NLGN4X: variants seen among roughly 807,000 people sequenced by gnomAD.
NLGN4X encodes the protein neuroligin 4 X-linked.
In NLGN4X, 3 loss-of-function variants were observed where a neutral mutation model predicts 40.3. That is an observed-to-expected ratio of 0.07 (90% CI 0.03 to 0.19). The LOEUF is 0.19. Among genes scored for constraint, NLGN4X ranks in the 10% least tolerant of loss-of-function variants. The pLI is 1.00. For missense variants in NLGN4X, 382 were observed against 708.3 expected, an observed-to-expected ratio of 0.54 and a Z score of 5.23; for synonymous variants, 270 against 306.8, an observed-to-expected ratio of 0.88 and a Z score of 1.25.
chrX:6,225,066 TACACACATAC>T (rs1470706778), intron 1 of NLGN4X, among the ~76,000 whole-genome samples: 2 of 96,432 alleles, frequency 2.1e-5, no homozygotes, highest in African/African-American at 7.6e-5. Context: ...TATGTCTGTA[TACACACATAC>T]ACACACACGC....
At chrX:6,136,070 C>CT (rs773448610) in intron 2 of NLGN4X, among the ~76,000 whole-genome samples, 161 of 111,574 alleles carry the variant, frequency 1.4e-3, no homozygotes, top group Non-Finnish European at 2.5e-3. Flanking sequence ...AAATCCATGT[C>CT]TTTTTTTAGA....
At chrX:6,069,418 G>A in intron 2 of NLGN4X, among the ~76,000 whole-genome samples, 1 of 112,322 alleles carries the variant, frequency 8.9e-6, no homozygotes, top group Non-Finnish European at 1.9e-5. Context: ...GCATTAATGT[G>A]TATCCATCTT....
chrX:6,225,681 C>CTTTTTTTTTTTTTTTTTTTT (rs1569309354), intron 1 of NLGN4X, among the ~76,000 whole-genome samples: 403 of 33,657 alleles, frequency 0.012, 23 homozygotes, highest in Non-Finnish European at 0.017. Context: ...TTTTTTCTTT[C>CTTTTTTTTTTTTTTTTTTTT]TTTTTTTCTT....
intron 3 of NLGN4X, among the ~76,000 whole-genome samples, chrX:5,938,660 G>A (rs1332852250): frequency 9.0e-6 from 1 of 110,998 alleles, no homozygotes; most frequent in Non-Finnish European, 1.9e-5. Context: ...AAGGCCATGG[G>A]TTAGTTTAAA....
intron 3 of NLGN4X, among the ~76,000 whole-genome samples, chrX:5,913,641 A>G (rs1020243464): frequency 6.2e-5 from 7 of 112,484 alleles, no homozygotes; most frequent in Middle Eastern, 4.6e-3. Context: ...GAATGAATCC[A>G]TGTTAATGGC....
intron 2 of NLGN4X, among the ~76,000 whole-genome samples, chrX:6,036,874 C>T (rs1317607064): frequency 9.0e-6 from 1 of 111,611 alleles, no homozygotes; most frequent in African/African-American, 3.3e-5. Flanking sequence ...ATCTCAATGT[C>T]CCTAATCCTG....
At chrX:5,928,982 G>A (rs180814120) in intron 3 of NLGN4X, among the ~76,000 whole-genome samples, 1 of 109,799 alleles carries the variant, frequency 9.1e-6, no homozygotes, top group Non-Finnish European at 1.9e-5. Context: ...ACCGTGCCCA[G>A]AGAAAGACTC....
At chrX:6,206,170 A>G in intron 1 of NLGN4X, among the ~76,000 whole-genome samples, 1 of 111,296 alleles carries the variant, frequency 9.0e-6, no homozygotes, top group Admixed American at 9.6e-5. Context: ...GGAGCAGTGG[A>G]GTCTCTAAAA....
chrX:6,082,299 G>A (rs1028862352), intron 2 of NLGN4X, among the ~76,000 whole-genome samples: 3 of 111,042 alleles, frequency 2.7e-5, no homozygotes, highest in Non-Finnish European at 5.7e-5. Flanking sequence ...ACTATAGAAG[G>A]CTGACGCAGG....
At chrX:6,221,792 C>G (rs947708166) in intron 1 of NLGN4X, among the ~76,000 whole-genome samples, 1 of 110,475 alleles carries the variant, frequency 9.1e-6, no homozygotes, top group Admixed American at 9.7e-5. Context: ...CCATGCTGAA[C>G]AGCTCTGACC....
chrX:6,185,693 T>C (rs1358549281), intron 1 of NLGN4X, among the ~76,000 whole-genome samples: 2 of 112,213 alleles, frequency 1.8e-5, no homozygotes, highest in Non-Finnish European at 3.8e-5. Context: ...CATTTAAGCG[T>C]TCCTTTCTTC....
At chrX:6,051,426 G>T (rs1489707925) in intron 2 of NLGN4X, among the ~76,000 whole-genome samples, 1 of 111,243 alleles carries the variant, frequency 9.0e-6, no homozygotes. Context: ...CAGATTTGCA[G>T]TGGTCCCTAG....
Position 6,151,117 on chromosome X carries a change from C to G in NLGN4X, c.350G>C (p.Arg117Thr), listed in dbSNP as rs1206070204. Residue 117 changes from arginine to threonine, a missense_variant, in exon 2 of 6, where the codon AGA (arginine) becomes ACA (threonine). Coordinates refer to ENST00000381095, the MANE Select transcript of NLGN4X (RefSeq NM_181332.3). The part of the protein sequence containing the change: ...AAVCPQHLDE[R>T]SLLHDMLPIW... ...GGGCAGCATGTCATGCAGTAAGGAT[C>G]TCTCATCCAGGTGCTGGGGGCACAC... 1 of 1,211,546 alleles carries G rather than the reference C, an allele frequency of 8.3e-7. No individual in the cohort carries two copies. Among genetic ancestry groups the G allele is most frequent in the Non-Finnish European group, 1.1e-6 (1 of 895,276 alleles).
At chrX:5,965,906 A>C (rs1050132711) in intron 3 of NLGN4X, among the ~76,000 whole-genome samples, 1 of 111,828 alleles carries the variant, frequency 8.9e-6, no homozygotes, top group Admixed American at 9.5e-5. Context: ...CAAACCCCAT[A>C]AAAAATCCAA....
In NLGN4X at chrX:6,067,088, A is replaced by G. The variant is rs1347065340; in HGVS notation, c.473-37656T>C. ...TGTACCACTGCACATCAGCCTGGGC[A>G]ACAGAGTGAGATACAGTCCCCCCCC... is the stretch of plus-strand genomic sequence containing the variant. On this transcript the variant is annotated intron_variant, in intron 2 of 5. Transcript: ENST00000381095. Among the ~76,000 whole-genome samples, 3 of 107,144 alleles carry G rather than the reference A, an allele frequency of 2.8e-5. No homozygotes were observed. In the East Asian group the frequency reaches 8.6e-4, roughly 31 times the overall value. 93.0% of individuals were successfully genotyped at this position (107,144 alleles called of 115,157 possible).
At chrX:6,177,977 C>T (rs750714550) in intron 1 of NLGN4X, among the ~76,000 whole-genome samples, 1 of 111,453 alleles carries the variant, frequency 9.0e-6, no homozygotes, top group South Asian at 3.9e-4. Flanking sequence ...AAGGCACCAT[C>T]TACAAACCAG....
intron 3 of NLGN4X, among the ~76,000 whole-genome samples, chrX:6,009,530 T>C (rs1435562786): frequency 2.7e-5 from 3 of 112,524 alleles, no homozygotes; most frequent in Non-Finnish European, 5.6e-5. Flanking sequence ...ACAATTGAGA[T>C]TTTCAATGTA....
At chrX:6,124,424 G>A (rs1222193444) in intron 2 of NLGN4X, among the ~76,000 whole-genome samples, 2 of 112,250 alleles carry the variant, frequency 1.8e-5, no homozygotes, top group African/African-American at 3.2e-5. Flanking sequence ...GCCCACGCCT[G>A]TAATCCCAGC....
At chrX:6,215,075 T>C (rs1386105219) in intron 1 of NLGN4X, among the ~76,000 whole-genome samples, 1 of 112,222 alleles carries the variant, frequency 8.9e-6, no homozygotes, top group Non-Finnish European at 1.9e-5. Context: ...GATTTATCTG[T>C]TTAAATCGCT....
Sources: gnomAD v4.1 joint callset for allele counts (sites outside exome capture counted in the v4.1 genomes callset) on GRCh38, gnomAD v4.1.1 for gene constraint, MANE v1.5 for transcripts, NCBI Gene and HGNC (gene_info 2026-07-23, HGNC 2026-07-21) for gene names.